Variants in EYS observed in about 807,000 individuals in gnomAD.
EYS encodes protein eyes shut homolog.
Under a neutral mutation model 282.1 loss-of-function variants are expected in EYS, and 250 were observed. The observed-to-expected ratio is 0.89, with a 90% CI of 0.80 to 0.98. EYS has a LOEUF of 0.98. Among genes scored for constraint, EYS ranks in the 50% least tolerant of loss-of-function variants. The probability of loss-of-function intolerance (pLI) is 0.00; values close to 1 mark genes in which losing one functional copy is unlikely to be tolerated. For synonymous variants in EYS, 1,355 were observed against 1,282.9 expected (o/e 1.06, Z -1.20); for missense variants, 4,016 against 3,709.0 (o/e 1.08, Z -2.15).
At chr6:64,616,262 A>G (rs1767271865) in intron 24 of EYS, among the ~76,000 whole-genome samples, 1 of 152,172 alleles carries the variant, frequency 6.6e-6, no homozygotes, top group Non-Finnish European at 1.5e-5. Context: ...CTGAGGTGTC[A>G]GAAAAATAAC....
chr6:64,596,911 A>G (rs372093873), intron 24 of EYS, among the ~76,000 whole-genome samples: 1 of 152,348 alleles, frequency 6.6e-6, no homozygotes, highest in East Asian at 1.9e-4. Flanking sequence ...CAATTGACAG[A>G]GTGAACAGAT....
intron 1 of EYS, among the ~76,000 whole-genome samples, chr6:65,667,213 G>A (rs1160518498): frequency 6.6e-6 from 1 of 151,736 alleles, no homozygotes; most frequent in Non-Finnish European, 1.5e-5. Flanking sequence ...AGCAATTTTT[G>A]TAAAACATGA....
chr6:64,125,149 T>A (rs547611965), intron 31 of EYS, among the ~76,000 whole-genome samples: 6 of 146,144 alleles, frequency 4.1e-5, no homozygotes, highest in Non-Finnish European at 5.9e-5. Flanking sequence ...ACACACACAC[T>A]CTCTGTCTCT....
intron 1 of EYS, among the ~76,000 whole-genome samples, chr6:65,642,932 T>C (rs888291642): frequency 4.6e-5 from 7 of 152,368 alleles, no homozygotes; most frequent in Non-Finnish European, 8.8e-5. Flanking sequence ...TAGCTTGCAG[T>C]TCCTGCTTGG....
chr6:64,103,352 G>A (rs763473043), intron 31 of EYS, among the ~76,000 whole-genome samples: 1 of 152,140 alleles, frequency 6.6e-6, no homozygotes, highest in African/African-American at 2.4e-5. Context: ...TTTTTTCAAC[G>A]TGTGAGGGAG....
intron 2 of EYS, among the ~76,000 whole-genome samples, chr6:65,597,203 T>C (rs1469793198): frequency 6.6e-6 from 1 of 152,114 alleles, no homozygotes; most frequent in East Asian, 1.9e-4. Flanking sequence ...TGTAGGGCTC[T>C]CCTGTGCTTT....
At chr6:63,803,858 T>C (rs1160359102) in intron 37 of EYS, among the ~76,000 whole-genome samples, 1 of 152,124 alleles carries the variant, frequency 6.6e-6, no homozygotes, top group Non-Finnish European at 1.5e-5. Context: ...AATAAAAGGA[T>C]ACTAAATTAA....
chr6:64,218,841 C>T (rs898614754), intron 31 of EYS, among the ~76,000 whole-genome samples: 2 of 152,070 alleles, frequency 1.3e-5, no homozygotes, highest in African/African-American at 4.8e-5. Context: ...TTGGCAGAAC[C>T]GTGATGCCTG....
intron 31 of EYS, among the ~76,000 whole-genome samples, chr6:64,188,826 GT>G (rs1477878414): frequency 6.6e-6 from 1 of 152,058 alleles, no homozygotes; most frequent in African/African-American, 2.4e-5. Context: ...TTGAGGATTA[GT>G]TAGTAGGAAA....
intron 12 of EYS, among the ~76,000 whole-genome samples, chr6:65,073,633 A>ATTTTTATATATATATTTAATAT (rs1402100170): frequency 6.6e-5 from 10 of 151,646 alleles, no homozygotes; most frequent in Non-Finnish European, 1.2e-4. Flanking sequence ...CATTGATTAT[A>ATTTTTATATATATATTTAATAT]TTTTTATATA....
intron 33 of EYS, among the ~76,000 whole-genome samples, chr6:64,008,337 C>G (rs969179113): frequency 1.3e-5 from 2 of 151,784 alleles, no homozygotes; most frequent in African/African-American, 4.8e-5. Flanking sequence ...TAGATTTTTC[C>G]CTCTCTCTTG....
chr6:65,623,033 T>C (rs1171549497), intron 2 of EYS, among the ~76,000 whole-genome samples: 2 of 152,182 alleles, frequency 1.3e-5, no homozygotes, highest in Admixed American at 6.5e-5. Context: ...ACTGAGATTG[T>C]AGGCCTGGGC....
At chr6:64,258,244 A>G (rs1332133540) in intron 30 of EYS, among the ~76,000 whole-genome samples, 1 of 152,040 alleles carries the variant, frequency 6.6e-6, no homozygotes, top group Non-Finnish European at 1.5e-5. Context: ...TTCAGGAGTT[A>G]CAAGTCAATT....
intron 19 of EYS, among the ~76,000 whole-genome samples, chr6:64,831,861 C>T (rs982104911): frequency 1.1e-4 from 16 of 151,842 alleles, no homozygotes. Flanking sequence ...TATTCTGATT[C>T]ATATTAGTTA....
chr6:64,680,729 T>C (rs546746919), intron 22 of EYS, among the ~76,000 whole-genome samples: 3 of 152,142 alleles, frequency 2.0e-5, no homozygotes, highest in Non-Finnish European at 4.4e-5. Context: ...ACCGATTACC[T>C]TAGCCCTAGT....
In EYS at chr6:65,134,316, T is replaced by C. The variant is rs560773698; in HGVS notation, c.2024-76589A>G. ...CATGCAAATATTAATTGCAGCTCTA[T>C]TCATAATAGCAAGGACATAGAATCA... On this transcript the variant is annotated intron_variant, in intron 12 of 42. Coordinates refer to ENST00000503581, the MANE Select transcript of EYS (RefSeq NM_001142800.2). Among the ~76,000 whole-genome samples, 46 of 152,216 alleles carry C rather than the reference T, an allele frequency of 3.0e-4. 1 individual carries two copies. The highest frequency in any genetic ancestry group is 1.4e-3 in the East Asian group (7 of 5,172).
At chr6:64,781,801 A>G (rs903392835) in intron 22 of EYS, among the ~76,000 whole-genome samples, 1 of 152,170 alleles carries the variant, frequency 6.6e-6, no homozygotes, top group Non-Finnish European at 1.5e-5. Context: ...TTTCAAAGTC[A>G]TCAGGGAATG....
In EYS at chr6:64,596,201, C is replaced by A. The variant is rs143209531; in HGVS notation, c.3685-2892G>T. 1.4e-4 allele frequency among the ~76,000 whole-genome samples: 21 copies of A among 152,104 alleles called. No homozygotes were observed. In the East Asian group the frequency reaches 4.1e-3, roughly 29 times the overall value. On this transcript the variant is annotated intron_variant, in intron 24 of 42. Coordinates refer to ENST00000503581, the MANE Select transcript of EYS (RefSeq NM_001142800.2). Reference sequence around the variant, plus strand: ...CCTCCATGACCCAAATTCCTCCCCCCAGGCCACATCTCCAGCACTGGGGAT... The same window carrying A: ...CCTCCATGACCCAAATTCCTCCCCCAAGGCCACATCTCCAGCACTGGGGAT...
chr6:64,556,509 A>G (rs903753402), intron 26 of EYS, among the ~76,000 whole-genome samples: 1 of 151,996 alleles, frequency 6.6e-6, no homozygotes, highest in African/African-American at 2.4e-5. Flanking sequence ...CAAAGGCATG[A>G]GGGAACTTTT....
Sources: allele counts gnomAD v4.1 joint callset (sites outside exome capture counted in the v4.1 genomes callset), GRCh38; gene constraint gnomAD v4.1.1; transcripts MANE v1.5; gene names NCBI Gene and HGNC (gene_info 2026-07-23, HGNC 2026-07-21).